MROH2A: variants seen among roughly 807,000 people sequenced by gnomAD.
MROH2A encodes maestro heat-like repeat-containing protein family member 2A.
In MROH2A, 174 loss-of-function variants were observed where a neutral mutation model predicts 200.4. That is an observed-to-expected ratio of 0.87 (90% CI 0.77 to 0.98). The LOEUF (loss-of-function observed/expected upper bound fraction) is 0.98. MROH2A is among the 50% of genes least tolerant of loss of function. MROH2A has a pLI of 0.00. For missense variants in MROH2A, 2,045 were observed against 2,139.6 expected (o/e 0.96, Z 0.87); for synonymous variants, 829 against 840.4 (o/e 0.99, Z 0.23).
intron 25 of MROH2A, among the ~76,000 whole-genome samples, chr2:233,814,145 T>C (rs992663444): frequency 1.3e-5 from 2 of 152,120 alleles, no homozygotes; most frequent in African/African-American, 4.8e-5. Context: ...CCAGCATAGA[T>C]AGAAGAAAGA....
rs1301093641 is a variant in MROH2A, at chr2:233,800,331, C to T, written c.1560+16C>T. 2 of 1,474,422 alleles carry T rather than the reference C, an allele frequency of 1.4e-6. No homozygotes were observed. Among genetic ancestry groups the T allele is most frequent in the Middle Eastern group, 1.9e-4 (1 of 5,136 alleles). The allele number at this position is 1,474,422 out of a possible 1,614,324, so 91.3% of individuals were successfully genotyped here. ...GATGACCACCGTGAGTGGGCCCTGC[C>T]CCACCCGCACAGTGGGTCACCACGC... On this transcript the variant is annotated intron_variant, in intron 14 of 41. Coordinates refer to ENST00000389758, the MANE Select transcript of MROH2A (RefSeq NM_001394639.1).
intron 14 of MROH2A, 128 bp downstream of exon 14, chr2:233,800,443 C>A (rs920847640): frequency 3.2e-6 from 2 of 622,076 alleles, no homozygotes; most frequent in Middle Eastern, 8.8e-4. Flanking sequence ...GGGCCTTCCT[C>A]TTCCAGTTGC....
chr2:233,786,380 C>A (rs534769848), intron 3 of MROH2A, among the ~76,000 whole-genome samples: 1 of 152,224 alleles, frequency 6.6e-6, no homozygotes, highest in Admixed American at 6.5e-5. Context: ...TGTGTCCTCA[C>A]GTGGCTCTCC....
rs940706075 is a variant in MROH2A, at chr2:233,796,273, G to A, written c.1212G>A (p.Val404=). Reference sequence around the variant, plus strand: ...AGACAAACAAGGAGGCCGTCCGCGTGGGGACTCTGAATCTGATTAGGGCTA... The same window carrying A: ...AGACAAACAAGGAGGCCGTCCGCGTAGGGACTCTGAATCTGATTAGGGCTA... ...QMETNKEAVR[V]GTLNLIRAIV... The change falls in exon 11 of 42, where the codon GTG becomes GTA. Residue 404 remains valine, a synonymous_variant. Coordinates refer to ENST00000389758, the MANE Select transcript of MROH2A (RefSeq NM_001394639.1). 7.3e-7 allele frequency: 1 copy of A among 1,361,832 alleles called. No individual in the cohort carries two copies. Among genetic ancestry groups the A allele is most frequent in the Non-Finnish European group, 9.7e-7 (1 of 1,027,498 alleles). The allele number at this position is 1,361,832 out of a possible 1,614,324, so 84.4% of individuals were successfully genotyped here.
intron 7 of MROH2A, among the ~76,000 whole-genome samples, 189 bp from the exon 8 acceptor site, chr2:233,794,174 A>G (rs545855024): frequency 6.6e-6 from 1 of 152,290 alleles, no homozygotes; most frequent in East Asian, 1.9e-4. Flanking sequence ...GGGGTTAAGT[A>G]CCTGCTCAAG....
At chr2:233,823,736 G>A (rs1704121316) in intron 35 of MROH2A, 72 bp downstream of exon 35, 13 of 1,519,678 alleles carry the variant, frequency 8.6e-6, no homozygotes, top group African/African-American at 1.4e-5. Flanking sequence ...TTCTGGGGAT[G>A]GCTTGTCTCC....
At chr2:233,786,765 C>T (rs960615706) in intron 3 of MROH2A, among the ~76,000 whole-genome samples, 1 of 152,098 alleles carries the variant, frequency 6.6e-6, no homozygotes, top group Non-Finnish European at 1.5e-5. Context: ...AATCAGTCAT[C>T]AGTGGCAATA....
chr2:233,788,296 AT>A (rs1701501722), intron 3 of MROH2A, among the ~76,000 whole-genome samples: 1 of 145,236 alleles, frequency 6.9e-6, no homozygotes, highest in Non-Finnish European at 1.5e-5. Flanking sequence ...AATAATAATA[AT>A]AATAAAGATT....
At position 233,805,116 on chromosome 2, in the gene MROH2A, G is replaced by A; in HGVS notation, c.2052+5G>A. 2.6e-6 allele frequency: 4 copies of A among 1,540,816 alleles called. No homozygotes were observed. Among genetic ancestry groups the A allele is most frequent in the Non-Finnish European group, 3.5e-6 (4 of 1,138,732 alleles). ...GACAGCCCCTCTCTGGAGAAGGTTT[G>A]TCTTCATAGGGACAGGAGAGTTTGG... is the stretch of plus-strand genomic sequence containing the variant. On this transcript the variant is annotated splice_donor_5th_base_variant and intron_variant, in intron 19 of 41. Coordinates refer to ENST00000389758, the MANE Select transcript of MROH2A (RefSeq NM_001394639.1).
chr2:233,819,121 C>T (rs144148776), intron 29 of MROH2A, among the ~76,000 whole-genome samples, 196 bp from the exon 30 acceptor site: 2 of 152,332 alleles, frequency 1.3e-5, no homozygotes, highest in African/African-American at 4.8e-5. Context: ...ATGGAAGTGC[C>T]TGGAGCCACC....
chr2:233,825,986 G>A (rs186991773), intron 35 of MROH2A, among the ~76,000 whole-genome samples: 113 of 143,094 alleles, frequency 7.9e-4, no homozygotes, highest in Middle Eastern at 7.1e-3. Flanking sequence ...GTGCAATGGC[G>A]TGATCTCAGC....
chr2:233,797,357 C>G (rs542855509), intron 11 of MROH2A, among the ~76,000 whole-genome samples: 1 of 152,304 alleles, frequency 6.6e-6, no homozygotes, highest in East Asian at 1.9e-4. Flanking sequence ...CAAAGGTGCT[C>G]ATTAAAACAT....
At chr2:233,781,970 T>C (rs1700976848) in intron 3 of MROH2A, among the ~76,000 whole-genome samples, 1 of 152,208 alleles carries the variant, frequency 6.6e-6, no homozygotes, top group South Asian at 2.1e-4. Flanking sequence ...CACCATTTAT[T>C]GAAGAGACTG....
chr2:233,792,791 C>T lies in MROH2A; in HGVS notation c.572-5C>T, dbSNP rs1280693972. On this transcript the variant is annotated splice_region_variant and splice_polypyrimidine_tract_variant and intron_variant, in intron 5 of 41. Transcript: ENST00000389758. ...TTCCTGTAATCATCCCTCACAACCT[C>T]ACAGTGTTTGAGTTCATGCCATACA... 3.9e-6 allele frequency: 6 copies of T among 1,519,178 alleles called. No individual in the cohort carries two copies. The highest frequency in any genetic ancestry group is 5.4e-6 in the Non-Finnish European group (6 of 1,118,744). 94.1% of individuals were successfully genotyped at this position (1,519,178 alleles called of 1,614,324 possible). A position where few individuals can be genotyped will look rare whatever the true frequency, so the allele number is the denominator to read the frequency against.
chr2:233,777,634 G>A (rs1360628600), upstream of MROH2A, among the ~76,000 whole-genome samples: 1 of 152,230 alleles, frequency 6.6e-6, no homozygotes, highest in African/African-American at 2.4e-5. Flanking sequence ...TATTGGAGGT[G>A]TCCAAGCACA....
At chr2:233,802,141 C>A in intron 14 of MROH2A, 27 bp from the exon 15 acceptor site, 1 of 1,537,996 alleles carries the variant, frequency 6.5e-7, no homozygotes. Flanking sequence ...TAATTCTGAG[C>A]CCCTTTCTCT....
At chr2:233,799,701 C>G (rs1702334318) in intron 12 of MROH2A, 79 bp from the exon 13 acceptor site, 1 of 1,526,740 alleles carries the variant, frequency 6.5e-7, no homozygotes, top group African/African-American at 1.4e-5. Flanking sequence ...ACCCCCAATT[C>G]CTAGCTCTCT....
intron 14 of MROH2A, 29 bp from the exon 15 acceptor site, chr2:233,802,139 A>G (rs1702512759): frequency 6.5e-7 from 1 of 1,537,396 alleles, no homozygotes; most frequent in Non-Finnish European, 8.8e-7. Flanking sequence ...GCTAATTCTG[A>G]GCCCCTTTCT....
chr2:233,807,348 A>T lies in MROH2A; in HGVS notation c.2053-75A>T. 7.1e-7 allele frequency: 1 copy of T among 1,417,478 alleles called. No individual in the cohort carries two copies. Among genetic ancestry groups the T allele is most frequent in the Non-Finnish European group, 9.4e-7 (1 of 1,062,646 alleles). The allele number at this position is 1,417,478 out of a possible 1,614,324, so 87.8% of individuals were successfully genotyped here. ...AAAATAAATTGAAAAATACGTAGAA[A>T]ACTCTCTACAACAGCACCCCCTGAA... On this transcript the variant is annotated intron_variant, in intron 19 of 41. Coordinates refer to ENST00000389758, the MANE Select transcript of MROH2A (RefSeq NM_001394639.1). This position sits in a 1 kb window ranked among gnomAD's most constrained non-coding sequence, Gnocchi z 4.3.
Sources: gnomAD v4.1 joint callset for allele counts (sites outside exome capture counted in the v4.1 genomes callset) on GRCh38, gnomAD v4.1.1 for gene constraint, Gnocchi (gnomAD v3.1) non-coding constraint, MANE v1.5 for transcripts, NCBI Gene and HGNC (gene_info 2026-07-23, HGNC 2026-07-21) for gene names.